The following DLGAP2 variants were observed in gnomAD, a reference collection of about 807,000 sequenced individuals.
DLGAP2 encodes the protein DLG associated protein 2.
In DLGAP2, 26 loss-of-function variants were observed where a neutral mutation model predicts 100.3. The ratio of observed to expected loss-of-function variants is 0.26; its 90% CI spans 0.19 to 0.36. DLGAP2 has a LOEUF of 0.36. Among genes scored for constraint, DLGAP2 ranks in the 10% least tolerant of loss-of-function variants. DLGAP2 has a pLI of 1.00. For missense variants in DLGAP2, 1,858 were observed against 1,453.2 expected, an observed-to-expected ratio of 1.28 and a Z score of -4.53; for synonymous variants, 886 against 630.1, an observed-to-expected ratio of 1.41 and a Z score of -6.08.
At chr8:1,417,106 G>A (rs1219639071) in intron 3 of DLGAP2, among the ~76,000 whole-genome samples, 45 of 149,642 alleles carry the variant, frequency 3.0e-4, no homozygotes, top group Admixed American at 7.3e-4. Flanking sequence ...GGGGGGTGGG[G>A]GGGAGACCCC....
At chr8:797,439 G>C (rs1016649570) in intron 1 of DLGAP2, among the ~76,000 whole-genome samples, 1 of 152,156 alleles carries the variant, frequency 6.6e-6, no homozygotes, top group East Asian at 1.9e-4. Flanking sequence ...GCCACATTTC[G>C]CCTTTCCATT....
At chr8:1,213,250 A>G (rs1287843323) in intron 2 of DLGAP2, among the ~76,000 whole-genome samples, 1 of 152,174 alleles carries the variant, frequency 6.6e-6, no homozygotes, top group African/African-American at 2.4e-5. Context: ...CTGCAAGTCA[A>G]CAACAGGCTT....
At chr8:1,306,321 A>G (rs1800490183) in intron 3 of DLGAP2, among the ~76,000 whole-genome samples, 1 of 152,272 alleles carries the variant, frequency 6.6e-6, no homozygotes, top group Non-Finnish European at 1.5e-5. Flanking sequence ...AAAAGGAAGT[A>G]AATAATTGCA....
intron 3 of DLGAP2, among the ~76,000 whole-genome samples, chr8:1,359,225 A>T (rs938921967): frequency 2.6e-5 from 4 of 152,076 alleles, no homozygotes; most frequent in African/African-American, 9.7e-5. Context: ...TCAACAGGAA[A>T]ATCCACCTCC....
At chr8:1,449,600 G>T (rs1408878186) in intron 3 of DLGAP2, among the ~76,000 whole-genome samples, 2 of 152,188 alleles carry the variant, frequency 1.3e-5, no homozygotes, top group African/African-American at 4.8e-5. Flanking sequence ...GGTGGGCCTG[G>T]CACTCTGCAT....
chr8:1,246,034 T>C (rs1014590293), intron 2 of DLGAP2, among the ~76,000 whole-genome samples: 34 of 152,230 alleles, frequency 2.2e-4, no homozygotes, highest in Admixed American at 2.0e-3. Context: ...TGTTGATATT[T>C]GTTCCTGCTA....
In DLGAP2 at chr8:1,385,760, A is replaced by G. The variant is rs866325905; in HGVS notation, c.107-115606A>G. Among the ~76,000 whole-genome samples the G allele has an allele frequency of 2.3e-3, 203 of 89,616 alleles. 2 individuals are homozygous for G. The highest frequency in any genetic ancestry group is 3.9e-3 in the African/African-American group (93 of 23,594). 58.8% of individuals were successfully genotyped at this position (89,616 alleles called of 152,430 possible). A position where few individuals can be genotyped will look rare whatever the true frequency, so the allele number is the denominator to read the frequency against. Reference sequence around the variant, plus strand: ...TGCACAGTTACCCCGGCCTATGCCCATCCCCTGAGAACTTGGTGCACAGTT... The same window carrying G: ...TGCACAGTTACCCCGGCCTATGCCCGTCCCCTGAGAACTTGGTGCACAGTT... On this transcript the variant is annotated intron_variant, in intron 3 of 14. Coordinates refer to ENST00000637795, the MANE Select transcript of DLGAP2 (RefSeq NM_001346810.2).
rs893797074 is a variant in DLGAP2, at chr8:1,051,059, T to TG, written c.73+143098dup. On this transcript the variant is annotated intron_variant, in intron 2 of 14. Transcript: ENST00000637795. ...ATTTTGTGGTGGGTCATTTCGTGGG[T>TG]GGGGGTCATTTTGTGGTGGGGTCTT... 7.2e-4 allele frequency among the ~76,000 whole-genome samples: 30 copies of TG among 41,682 alleles called. No homozygotes were observed. In the South Asian group the frequency reaches 8.9e-3, roughly 12 times the overall value. 27.3% of individuals were successfully genotyped at this position (41,682 alleles called of 152,430 possible). A position where few individuals can be genotyped will look rare whatever the true frequency, so the allele number is the denominator to read the frequency against.
At chr8:1,514,470 G>A (rs1215696249) in intron 4 of DLGAP2, among the ~76,000 whole-genome samples, 1 of 152,210 alleles carries the variant, frequency 6.6e-6, no homozygotes, top group Admixed American at 6.5e-5. Flanking sequence ...GGAACAGCGA[G>A]AAAATATTGT....
intron 1 of DLGAP2, among the ~76,000 whole-genome samples, chr8:826,650 G>A (rs945784691): frequency 6.6e-6 from 1 of 152,148 alleles, no homozygotes; most frequent in South Asian, 2.1e-4. Flanking sequence ...GCAGCCTGGT[G>A]TCTCGAGGGT....
chr8:1,080,407 C>G (rs6559212), intron 2 of DLGAP2, among the ~76,000 whole-genome samples: 91,915 of 152,132 alleles, frequency 0.6, 27,831 homozygotes, highest in African/African-American at 0.63. Flanking sequence ...AGGGATGCTC[C>G]TCACACTTAG....
intron 11 of DLGAP2, among the ~76,000 whole-genome samples, chr8:1,676,884 G>C (rs765994203): frequency 9.9e-5 from 15 of 152,234 alleles, no homozygotes; most frequent in African/African-American, 4.8e-5. Flanking sequence ...GAAAGTCAGA[G>C]TCCTTGATCC....
intron 1 of DLGAP2, among the ~76,000 whole-genome samples, chr8:752,149 C>G (rs532160799): frequency 3.9e-5 from 6 of 152,308 alleles, no homozygotes; most frequent in African/African-American, 1.4e-4. Context: ...ACCCCCTTCT[C>G]CCTTCCCTGT....
At chr8:1,614,050 C>G (rs1225811603) in intron 6 of DLGAP2, among the ~76,000 whole-genome samples, 1 of 152,216 alleles carries the variant, frequency 6.6e-6, no homozygotes, top group African/African-American at 2.4e-5. Flanking sequence ...CCTCAGGAGG[C>G]CTTTGGAAGA....
At chr8:1,038,410 C>A (rs1024849602) in intron 2 of DLGAP2, among the ~76,000 whole-genome samples, 23 of 152,162 alleles carry the variant, frequency 1.5e-4, no homozygotes, top group African/African-American at 5.6e-4. Flanking sequence ...CCTCTGAAGT[C>A]CAGGAAACAA....
chr8:1,470,280 G>T (rs1006528860), intron 3 of DLGAP2, among the ~76,000 whole-genome samples: 2 of 152,130 alleles, frequency 1.3e-5, no homozygotes, highest in African/African-American at 4.8e-5. Flanking sequence ...TGGCAGCCAG[G>T]TGCTCCATCC....
chr8:1,661,762 A>T (rs114366896), intron 8 of DLGAP2, among the ~76,000 whole-genome samples: 25 of 152,290 alleles, frequency 1.6e-4, no homozygotes, highest in African/African-American at 6.0e-4. Flanking sequence ...CTCAGATAAG[A>T]CAGATGTAAC....
intron 3 of DLGAP2, among the ~76,000 whole-genome samples, chr8:1,356,267 G>A (rs916251161): frequency 6.6e-6 from 1 of 152,230 alleles, no homozygotes; most frequent in Admixed American, 6.5e-5. Flanking sequence ...AAGCTCACCT[G>A]CTGTCAGCTG....
At chr8:958,559 T>C (rs1017264835) in intron 2 of DLGAP2, among the ~76,000 whole-genome samples, 4 of 145,474 alleles carry the variant, frequency 2.7e-5, no homozygotes, top group Non-Finnish European at 6.0e-5. Flanking sequence ...TGCCATTAGT[T>C]ATTGGAAATT....
Sources: gnomAD v4.1 joint callset for allele counts (sites outside exome capture counted in the v4.1 genomes callset) on GRCh38, gnomAD v4.1.1 for gene constraint, MANE v1.5 for transcripts, NCBI Gene and HGNC (gene_info 2026-07-23, HGNC 2026-07-21) for gene names.